NFATC2: variants seen among roughly 807,000 people sequenced by gnomAD.
NFATC2 encodes the protein nuclear factor of activated T-cells, cytoplasmic 2.
Under a neutral mutation model 87.3 loss-of-function variants are expected in NFATC2, and 22 were observed. The observed-to-expected ratio is 0.25, with a 90% confidence interval of 0.18 to 0.36. The LOEUF (loss-of-function observed/expected upper bound fraction) is 0.36, where lower values mean the gene tolerates loss of function less well. NFATC2 is among the 10% of genes least tolerant of loss of function. NFATC2 has a pLI of 1.00. For synonymous variants in NFATC2, 565 were observed against 542.2 expected, an observed-to-expected ratio of 1.04 and a Z score of -0.58; for missense variants, 1,149 against 1,259.1, an observed-to-expected ratio of 0.91 and a Z score of 1.32.
intron 1 of NFATC2, among the ~76,000 whole-genome samples, chr20:51,555,148 C>T (rs1383096792): frequency 6.6e-6 from 1 of 152,142 alleles, no homozygotes; most frequent in Non-Finnish European, 1.5e-5. Flanking sequence ...TGTTTGCCTG[C>T]CTAGCATTCA....
chr20:51,520,142 A>T (rs1339233912), intron 2 of NFATC2, among the ~76,000 whole-genome samples: 3 of 152,150 alleles, frequency 2.0e-5, no homozygotes, highest in African/African-American at 7.2e-5. Flanking sequence ...GACACTCAAA[A>T]CCTCTCTGAT....
intron 1 of NFATC2, among the ~76,000 whole-genome samples, chr20:51,527,050 C>A (rs533073681): frequency 3.5e-4 from 53 of 151,868 alleles, no homozygotes; most frequent in Non-Finnish European, 6.5e-4. Flanking sequence ...CAGTGCACAC[C>A]ACCGGGCTCA....
intron 9 of NFATC2, among the ~76,000 whole-genome samples, chr20:51,426,123 T>C (rs1600706533): frequency 6.9e-6 from 1 of 144,640 alleles, no homozygotes; most frequent in African/African-American, 2.5e-5. Context: ...GCCCATTTTT[T>C]CTCCTACACA....
At chr20:51,398,508 C>CTTAAGAGCAGGAGAATGAG in intron 10 of NFATC2, 135 bp downstream of exon 10, 1 of 596,534 alleles carries the variant, frequency 1.7e-6, no homozygotes, top group East Asian at 2.9e-5. Flanking sequence ...GGGTCTAGCC[C>CTTAAGAGCAGGAGAATGAG]TTAAGAGCAG....
intron 6 of NFATC2, among the ~76,000 whole-genome samples, chr20:51,441,754 A>C (rs1269729653): frequency 6.6e-6 from 1 of 151,670 alleles, no homozygotes; most frequent in Non-Finnish European, 1.5e-5. Flanking sequence ...AATATTACTG[A>C]ACTTAAGAAG....
In NFATC2 at chr20:51,389,613, A is replaced by C. The variant is rs1986108499; in HGVS notation, c.*1883T>G. 1 of 152,220 alleles carries C rather than the reference A, an allele frequency of 6.6e-6. No individual in the cohort carries two copies. The highest frequency in any genetic ancestry group is 2.4e-5 in the African/African-American group (1 of 41,462). The allele number at this position is 152,220 out of a possible 1,614,324, so 9.4% of individuals were successfully genotyped here. A position where few individuals can be genotyped will look rare whatever the true frequency, so the allele number is the denominator to read the frequency against. ...GAATTTTGCTAAACTCTTTGAGCTT[A>C]GGGTGGGTGAGGGAAAGGTCGTTCA... On this transcript the variant is annotated 3_prime_UTR_variant, in exon 11 of 11. Coordinates refer to ENST00000371564, the MANE Select transcript of NFATC2 (RefSeq NM_012340.5).
upstream of NFATC2, chr20:51,542,721 C>T (rs1303623102): frequency 1.1e-6 from 1 of 911,648 alleles, no homozygotes; most frequent in Non-Finnish European, 1.3e-6. Flanking sequence ...CTTCCTGCTC[C>T]GGAGGCACCT....
At chr20:51,488,927 G>A (rs1211611725) in intron 3 of NFATC2, among the ~76,000 whole-genome samples, 2 of 152,242 alleles carry the variant, frequency 1.3e-5, no homozygotes, top group East Asian at 1.9e-4. Context: ...AGTGGCTCAT[G>A]CCTGTAATCC....
chr20:51,549,258 G>T (rs980516354), intron 1 of NFATC2, among the ~76,000 whole-genome samples: 6 of 120,534 alleles, frequency 5.0e-5, no homozygotes, highest in Admixed American at 1.5e-4. Context: ...AGGTTTTTTG[G>T]TTTTTTTGTT....
rs1275011405 is a variant in NFATC2, at chr20:51,394,426, G to A, written c.*45-2975C>T. Among the ~76,000 whole-genome samples, 10 of 151,848 alleles carry A rather than the reference G, an allele frequency of 6.6e-5. No individual in the cohort carries two copies. The South Asian group carries it at 1.5e-3, about 22-fold the overall frequency. On this transcript the variant is annotated intron_variant, in intron 10 of 10. Transcript: ENST00000371564. Reference sequence around the variant, plus strand: ...CCTCCTCTTGTCTCACCTTCCTCACGCTGCTCCTCTGGGTAGCATCATGTT... The same window carrying A: ...CCTCCTCTTGTCTCACCTTCCTCACACTGCTCCTCTGGGTAGCATCATGTT...
At chr20:51,426,961 C>T (rs1306882454) in intron 9 of NFATC2, among the ~76,000 whole-genome samples, 3 of 152,212 alleles carry the variant, frequency 2.0e-5, no homozygotes, top group South Asian at 2.1e-4. Context: ...CTGATTTGTG[C>T]CCTCCCTGCA....
Position 51,523,283 on chromosome 20 carries a change from G to C in NFATC2, c.958C>G (p.Pro320Ala), listed in dbSNP as rs746517027. The change falls in exon 2 of 11, where the codon CCC becomes GCC. Residue 320 changes from proline to alanine, a missense_variant. Physicochemically the swap from Pro to Ala is conservative, Grantham distance 27. Around this residue, in one of 3 missense-constraint regions of NFATC2, gnomAD observed 563 missense variants for 585.2 expected, o/e 0.96. Coordinates refer to ENST00000371564, the MANE Select transcript of NFATC2 (RefSeq NM_012340.5). This position sits in a 1 kb window ranked among gnomAD's most constrained non-coding sequence, Gnocchi z 6.9. ...LATDSPCGIPPKMWKTSPDPS... is the reference protein window; with the variant it reads ...LATDSPCGIPAKMWKTSPDPS... Reference sequence around the variant, plus strand: ...TCAGGGCTGGTCTTCCACATCTTGGGGGGGATCCCACAAGGCGAGTCCGTG... The same window carrying C: ...TCAGGGCTGGTCTTCCACATCTTGGCGGGGATCCCACAAGGCGAGTCCGTG... The C allele has an allele frequency of 1.9e-6, 3 of 1,613,776 alleles. No individual in the cohort carries two copies. The highest frequency in any genetic ancestry group is 1.3e-5 in the African/African-American group (1 of 74,934).
chr20:51,514,610 C>T (rs1280404413), intron 3 of NFATC2, among the ~76,000 whole-genome samples: 1 of 152,168 alleles, frequency 6.6e-6, no homozygotes, highest in Non-Finnish European at 1.5e-5. Flanking sequence ...CGGTGGCTCA[C>T]GCCTATAATC....
intron 9 of NFATC2, among the ~76,000 whole-genome samples, chr20:51,419,399 C>T (rs913960780): frequency 2.0e-5 from 3 of 152,182 alleles, no homozygotes; most frequent in Non-Finnish European, 2.9e-5. Flanking sequence ...TTCTGGGTTA[C>T]GCCCTTAAAG....
intron 5 of NFATC2, among the ~76,000 whole-genome samples, chr20:51,465,374 C>T (rs148668078): frequency 1.1e-3 from 161 of 152,106 alleles, no homozygotes; most frequent in African/African-American, 3.5e-3. Flanking sequence ...AGTGAGAATC[C>T]GTCTCAAAAA....
intron 6 of NFATC2, among the ~76,000 whole-genome samples, chr20:51,450,821 C>G (rs977757341): frequency 6.6e-6 from 1 of 152,230 alleles, no homozygotes; most frequent in Non-Finnish European, 1.5e-5. Flanking sequence ...TAACAGCCAA[C>G]TTTTCACAGC....
chr20:51,551,975 T>C (rs187246556), intron 1 of NFATC2, among the ~76,000 whole-genome samples: 324 of 151,434 alleles, frequency 2.1e-3, no homozygotes, highest in African/African-American at 7.5e-3. Context: ...TGCAGTGAGC[T>C]GAGATCACGC....
At chr20:51,473,661 C>T (rs533539906) in intron 5 of NFATC2, among the ~76,000 whole-genome samples, 62 of 152,348 alleles carry the variant, frequency 4.1e-4, no homozygotes, top group Non-Finnish European at 7.9e-4. Flanking sequence ...ACTCCAAATG[C>T]ATCTATCCTT....
intron 2 of NFATC2, among the ~76,000 whole-genome samples, chr20:51,520,146 C>A (rs1030494002): frequency 1.3e-5 from 2 of 152,196 alleles, no homozygotes; most frequent in African/African-American, 4.8e-5. Context: ...CTCAAAACCT[C>A]TCTGATCAAC....
Sources: allele counts gnomAD v4.1 joint callset (sites outside exome capture counted in the v4.1 genomes callset), GRCh38; gene constraint gnomAD v4.1.1; regional missense constraint gnomAD v4.1.1; non-coding constraint Gnocchi (gnomAD v3.1); transcripts MANE v1.5; gene names NCBI Gene and HGNC (gene_info 2026-07-23, HGNC 2026-07-21).